The following PRKAR1A variants were observed in gnomAD, a reference collection of about 807,000 sequenced individuals.
PRKAR1A encodes protein kinase cAMP-dependent type I regulatory subunit alpha, also known as cAMP-dependent protein kinase type I-alpha regulatory subunit.
PRKAR1A carries 3 observed loss-of-function variants against 52.0 expected under a neutral mutation model. The ratio of observed to expected loss-of-function variants is 0.06; its 90% CI spans 0.03 to 0.15. The LOEUF is 0.15. PRKAR1A is among the 10% of genes least tolerant of loss of function. The pLI is 1.00. For missense variants in PRKAR1A, 240 were observed against 477.4 expected, an observed-to-expected ratio of 0.50 and a Z score of 4.63; for synonymous variants, 188 against 168.4, an observed-to-expected ratio of 1.12 and a Z score of -0.90.
chr17:68,450,839 T>TACC, the PRKAR1A span: 1 of 1,614,206 alleles, frequency 6.2e-7, no homozygotes, highest in South Asian at 1.1e-5. Context: ...TGTGACTGAC[T>TACC]ACCACCACCA....
the PRKAR1A span, chr17:68,450,928 G>A: frequency 6.3e-7 from 1 of 1,598,482 alleles, no homozygotes; most frequent in East Asian, 2.2e-5. Context: ...GAGGTTACAT[G>A]GATTGATCAC....
In PRKAR1A at chr17:68,530,507, A is replaced by G. The variant is rs8080739; in HGVS notation, c.*58A>G. 5 of 1,613,432 alleles carry G rather than the reference A, an allele frequency of 3.1e-6. No individual in the cohort carries two copies. The highest frequency in any genetic ancestry group is 4.2e-6 in the Non-Finnish European group (5 of 1,179,820). On this transcript the variant is annotated 3_prime_UTR_variant, in exon 11 of 11. Coordinates refer to ENST00000589228, the MANE Select transcript of PRKAR1A (RefSeq NM_002734.5). ...CCCCAATCCATGCTTCACTCATGCA[A>G]ACTGCTTTATTTTCCCTACTTGCAG...
chr17:68,466,378 T>C, the PRKAR1A span, among the ~76,000 whole-genome samples: 1 of 151,518 alleles, frequency 6.6e-6, no homozygotes, highest in East Asian at 2.0e-4. Flanking sequence ...CCTTTCTGCT[T>C]GTATTGAAAT....
chr17:68,444,628 C>T, the PRKAR1A span: 3 of 1,553,012 alleles, frequency 1.9e-6, no homozygotes, highest in African/African-American at 2.7e-5. Flanking sequence ...CGAACCGTTC[C>T]TTACAAAGAC....
the PRKAR1A span, among the ~76,000 whole-genome samples, chr17:68,478,180 G>T: frequency 5.3e-5 from 8 of 152,200 alleles, no homozygotes; most frequent in Non-Finnish European, 1.0e-4. Flanking sequence ...TTGGCCGGGT[G>T]TGGTGGCTCA....
At chr17:68,421,754 T>A in the PRKAR1A span, 1 of 1,614,194 alleles carries the variant, frequency 6.2e-7, no homozygotes. Context: ...ATGTCCTGAT[T>A]TCTGAGGTGT....
At chr17:68,446,580 G>C in the PRKAR1A span, among the ~76,000 whole-genome samples, 37 of 152,280 alleles carry the variant, frequency 2.4e-4, no homozygotes, top group Middle Eastern at 3.4e-3. Context: ...ATAAATATGA[G>C]TGTTCCTCTG....
At chr17:68,533,687 C>T (rs755469897), downstream of PRKAR1A, among the ~76,000 whole-genome samples, 1 of 152,136 alleles carries the variant, frequency 6.6e-6, no homozygotes, top group Non-Finnish European at 1.5e-5. Context: ...GCTAGATAAC[C>T]ATTTAATTTG....
intron 2 of PRKAR1A, among the ~76,000 whole-genome samples, chr17:68,519,404 A>G (rs528858176): frequency 6.6e-6 from 1 of 152,328 alleles, no homozygotes; most frequent in Admixed American, 6.5e-5. Flanking sequence ...GGGTCAAGCA[A>G]AAGGGGGAAA....
chr17:68,524,990 T>A (rs138188987), intron 6 of PRKAR1A, 32 bp downstream of exon 6: 222 of 1,551,282 alleles, frequency 1.4e-4, no homozygotes, highest in Non-Finnish European at 1.4e-4. Flanking sequence ...AATATGTTGA[T>A]CTTAAAAGCC....
the PRKAR1A span, among the ~76,000 whole-genome samples, chr17:68,499,330 T>A: frequency 1.3e-5 from 2 of 150,170 alleles, no homozygotes; most frequent in Admixed American, 1.3e-4. Context: ...TCTTCTTATA[T>A]CAGAGAGCAG....
At chr17:68,489,107 G>T in the PRKAR1A span, among the ~76,000 whole-genome samples, 2 of 143,648 alleles carry the variant, frequency 1.4e-5, no homozygotes, top group Non-Finnish European at 3.0e-5. Context: ...TGAAGTTATC[G>T]GTTAAAGATT....
chr17:68,424,925 G>A, the PRKAR1A span, among the ~76,000 whole-genome samples: 4 of 152,212 alleles, frequency 2.6e-5, no homozygotes, highest in Non-Finnish European at 4.4e-5. Context: ...ATGATTTCAG[G>A]TTGACTATCT....
chr17:68,497,755 G>A, the PRKAR1A span, among the ~76,000 whole-genome samples: 1 of 152,146 alleles, frequency 6.6e-6, no homozygotes, highest in African/African-American at 2.4e-5. Context: ...AGCCAGAGAG[G>A]GGCAAGCTAG....
At chr17:68,456,971 C>T in the PRKAR1A span, among the ~76,000 whole-genome samples, 14 of 152,200 alleles carry the variant, frequency 9.2e-5, no homozygotes, top group Admixed American at 2.0e-4. Context: ...TCTCCTTTCT[C>T]ATCTCTTTCT....
the PRKAR1A span, chr17:68,422,731 C>CAAAAAAAAAAAAA: frequency 1.5e-5 from 1 of 66,420 alleles, no homozygotes; most frequent in Non-Finnish European, 2.6e-5. Context: ...TCTATCATCT[C>CAAAAAAAAAAAAA]AAAAAAAAAA....
the PRKAR1A span, among the ~76,000 whole-genome samples, chr17:68,473,805 AC>A: frequency 6.6e-6 from 1 of 152,040 alleles, no homozygotes; most frequent in East Asian, 1.9e-4. Flanking sequence ...ACAGGCGTGA[AC>A]CACCGCATCT....
intron 11 of PRKAR1A, among the ~76,000 whole-genome samples, chr17:68,544,709 C>A (rs974813063): frequency 5.3e-5 from 8 of 151,026 alleles, no homozygotes; most frequent in Admixed American, 1.3e-4. Flanking sequence ...GCCACCGTTA[C>A]AGCACAACCC....
chr17:68,540,635 G>A (rs1164257715), intron 11 of PRKAR1A: 1 of 666,050 alleles, frequency 1.5e-6, no homozygotes, highest in Non-Finnish European at 2.7e-6. Flanking sequence ...CCTGCCTTAT[G>A]AGTGACGACC....
Sources: gnomAD v4.1 joint callset for allele counts (sites outside exome capture counted in the v4.1 genomes callset) on GRCh38, gnomAD v4.1.1 for gene constraint, MANE v1.5 for transcripts, NCBI Gene and HGNC (gene_info 2026-07-23, HGNC 2026-07-21) for gene names.